The following KCNQ5 variants were observed in gnomAD, a reference collection of about 807,000 sequenced individuals.
KCNQ5 encodes the protein potassium voltage-gated channel subfamily Q member 5.
In KCNQ5, 30 loss-of-function variants were observed where a neutral mutation model predicts 98.2. The ratio of observed to expected loss-of-function variants is 0.31; its 90% CI spans 0.23 to 0.41. The LOEUF (loss-of-function observed/expected upper bound fraction) is 0.41. Among genes scored for constraint, KCNQ5 ranks in the 10% least tolerant of loss-of-function variants. The probability of loss-of-function intolerance (pLI) is 1.00; values close to 1 mark genes in which losing one functional copy is unlikely to be tolerated. For missense variants in KCNQ5, 835 were observed against 1,182.5 expected (o/e 0.71, Z 4.31); for synonymous variants, 458 against 449.4 (o/e 1.02, Z -0.24).
intron 1 of KCNQ5, among the ~76,000 whole-genome samples, chr6:72,836,128 T>C (rs932795289): frequency 2.6e-5 from 4 of 152,228 alleles, no homozygotes; most frequent in African/African-American, 9.6e-5. Context: ...TGTTTTGCCC[T>C]CATTAGCTTC....
At chr6:72,910,949 G>C (rs1779919398) in intron 1 of KCNQ5, among the ~76,000 whole-genome samples, 1 of 152,138 alleles carries the variant, frequency 6.6e-6, no homozygotes, top group Admixed American at 6.6e-5. Context: ...AAGTGAAAGA[G>C]AGGCCTGAGC....
chr6:73,129,876 G>T, intron 9 of KCNQ5: 2 of 1,596,886 alleles, frequency 1.3e-6, no homozygotes, highest in South Asian at 2.2e-5. Context: ...CTATTGACAT[G>T]AGATTTGAGA....
intron 3 of KCNQ5, among the ~76,000 whole-genome samples, chr6:73,062,198 C>T (rs1183963521): frequency 1.3e-5 from 2 of 152,160 alleles, no homozygotes; most frequent in Non-Finnish European, 2.9e-5. Flanking sequence ...ATTATGGCTT[C>T]ATCTATGTTT....
chr6:73,084,805 C>T (rs577873081), intron 5 of KCNQ5, among the ~76,000 whole-genome samples: 11 of 152,268 alleles, frequency 7.2e-5, no homozygotes, highest in East Asian at 1.9e-4. Context: ...GCCCTTTCTC[C>T]GACCCTGAAC....
At chr6:72,633,010 G>T (rs1029338475) in intron 1 of KCNQ5, among the ~76,000 whole-genome samples, 1 of 152,164 alleles carries the variant, frequency 6.6e-6, no homozygotes, top group Admixed American at 6.5e-5. Context: ...TCTCCAAATT[G>T]CTTTCCACAG....
In KCNQ5 at chr6:72,646,499, A is replaced by G. The variant is rs1765602521; in HGVS notation, c.398+23912A>G. Among the ~76,000 whole-genome samples the G allele has an allele frequency of 2.0e-5, 3 of 152,186 alleles. No homozygotes were observed. The South Asian group carries it at 6.2e-4, about 32-fold the overall frequency. ...TTATTGCTGATCTTATGTCTGAAAA[A>G]CCACATGGATTTGGGGGAAAAAAAA... On this transcript the variant is annotated intron_variant, in intron 1 of 13. Coordinates refer to ENST00000370398, the MANE Select transcript of KCNQ5 (RefSeq NM_019842.4).
intron 1 of KCNQ5, among the ~76,000 whole-genome samples, chr6:72,819,683 T>C (rs899409742): frequency 1.3e-5 from 2 of 152,184 alleles, no homozygotes; most frequent in African/African-American, 2.4e-5. Flanking sequence ...TCCAGTCCAG[T>C]GTCCCAGGGG....
chr6:72,702,198 C>G (rs1025632248), intron 1 of KCNQ5, among the ~76,000 whole-genome samples: 7 of 152,104 alleles, frequency 4.6e-5, no homozygotes, highest in African/African-American at 1.7e-4. Context: ...CCCAGAATAC[C>G]CTTCCAGAAT....
intron 3 of KCNQ5, among the ~76,000 whole-genome samples, chr6:73,063,284 T>C (rs1772864805): frequency 6.6e-6 from 1 of 152,086 alleles, no homozygotes; most frequent in African/African-American, 2.4e-5. Context: ...CGAAGGAGGA[T>C]TTTTCCTCAT....
At chr6:73,150,190 C>CA (rs970484772) in intron 10 of KCNQ5, among the ~76,000 whole-genome samples, 1 of 151,448 alleles carries the variant, frequency 6.6e-6, no homozygotes, top group Non-Finnish European at 1.5e-5. Flanking sequence ...ATGGCTGAAA[C>CA]AAAAAAAACT....
rs1770439559 is a variant in KCNQ5, at chr6:73,018,238, A to G, written c.489+14240A>G. On this transcript the variant is annotated intron_variant, in intron 2 of 13. Coordinates refer to ENST00000370398, the MANE Select transcript of KCNQ5 (RefSeq NM_019842.4). The stretch of plus-strand genomic sequence containing the variant: ...GTTAGCCCATCTGTTTCTCTTCCAT[A>G]GGCTCCTTTCTGAGTCACTTTCTGG... Among the ~76,000 whole-genome samples, 4 of 152,092 alleles carry G rather than the reference A, an allele frequency of 2.6e-5. No homozygotes were observed. In the South Asian group the frequency reaches 8.3e-4, roughly 32 times the overall value.
intron 1 of KCNQ5, among the ~76,000 whole-genome samples, chr6:72,847,499 A>C (rs1777068855): frequency 6.6e-6 from 1 of 152,008 alleles, no homozygotes; most frequent in Admixed American, 6.5e-5. Context: ...GGGGGTGGAC[A>C]ACAGCGATTT....
intron 8 of KCNQ5, among the ~76,000 whole-genome samples, chr6:73,121,483 T>C (rs901131030): frequency 6.6e-6 from 1 of 152,216 alleles, no homozygotes; most frequent in Admixed American, 6.5e-5. Context: ...AAAGGCTTTC[T>C]GTGAGTCACC....
intron 1 of KCNQ5, among the ~76,000 whole-genome samples, chr6:72,673,728 T>C (rs553892411): frequency 6.6e-6 from 1 of 152,350 alleles, no homozygotes; most frequent in South Asian, 2.1e-4. Flanking sequence ...ATTGTTATCC[T>C]TTATCCTCTG....
intron 1 of KCNQ5, among the ~76,000 whole-genome samples, chr6:72,926,162 G>A (rs939325467): frequency 6.6e-6 from 1 of 151,942 alleles, no homozygotes; most frequent in African/African-American, 2.4e-5. Flanking sequence ...TGCCTTCAGG[G>A]GTCCACCCTC....
chr6:72,994,866 A>G (rs1298802543), intron 1 of KCNQ5, among the ~76,000 whole-genome samples: 1 of 152,186 alleles, frequency 6.6e-6, no homozygotes, highest in African/African-American at 2.4e-5. Context: ...ATAGTTTCTC[A>G]TAATATTTTA....
chr6:73,147,431 A>G (rs1239309290), intron 10 of KCNQ5, among the ~76,000 whole-genome samples: 1 of 152,146 alleles, frequency 6.6e-6, no homozygotes, highest in East Asian at 1.9e-4. Flanking sequence ...GTTAAAAGTT[A>G]TATGCTTATA....
intron 9 of KCNQ5, 68 bp from the exon 10 acceptor site, chr6:73,133,353 A>G (rs1474553175): frequency 7.2e-7 from 1 of 1,397,544 alleles, no homozygotes; most frequent in East Asian, 2.3e-5. Context: ...AGCTTCATCA[A>G]ATTACTTACC....
intron 1 of KCNQ5, among the ~76,000 whole-genome samples, chr6:72,855,292 A>C (rs1777479959): frequency 1.0e-5 from 1 of 99,868 alleles, no homozygotes; most frequent in South Asian, 4.8e-4. Flanking sequence ...GGCTAAAATT[A>C]ACTAGATACT....
Sources: allele counts gnomAD v4.1 joint callset (sites outside exome capture counted in the v4.1 genomes callset), GRCh38; gene constraint gnomAD v4.1.1; transcripts MANE v1.5; gene names NCBI Gene and HGNC (gene_info 2026-07-23, HGNC 2026-07-21).